The following PATJ variants were observed in gnomAD, a reference collection of about 807,000 sequenced individuals.
The protein encoded by PATJ is PATJ crumbs cell polarity complex component, also known as inaD-like protein.
Under a neutral mutation model 224.9 loss-of-function variants are expected in PATJ, and 190 were observed. The ratio of observed to expected loss-of-function variants is 0.84; its 90% confidence interval spans 0.75 to 0.95. The LOEUF (loss-of-function observed/expected upper bound fraction) is 0.95. PATJ is among the 40% of genes least tolerant of loss of function. The pLI is 0.00. For missense variants in PATJ, 2,121 were observed against 2,270.3 expected (o/e 0.93, Z 1.34); for synonymous variants, 769 against 820.3 (o/e 0.94, Z 1.07).
rs1461050959 is a variant in PATJ, at chr1:62,119,438, C to G, written c.4891-1743C>G. ...GGAGATCAATGCCTTCTTTTGAGCGCTAAGGAGAATAAGCTCTTGACTTAA... is the reference window on the plus strand; with the variant it reads ...GGAGATCAATGCCTTCTTTTGAGCGGTAAGGAGAATAAGCTCTTGACTTAA... On this transcript the variant is annotated intron_variant, in intron 37 of 43. Transcript: ENST00000642238. Among the ~76,000 whole-genome samples the G allele has an allele frequency of 3.9e-5, 6 of 152,246 alleles. No homozygotes were observed. In the East Asian group the frequency reaches 1.2e-3, roughly 29 times the overall value.
At chr1:62,092,407 C>T (rs1660861697) in intron 33 of PATJ, among the ~76,000 whole-genome samples, 1 of 151,654 alleles carries the variant, frequency 6.6e-6, no homozygotes, top group South Asian at 2.1e-4. Flanking sequence ...GATTCAAGCA[C>T]TATTCTCTTT....
chr1:61,896,745 T>C (rs1290425644), intron 22 of PATJ, among the ~76,000 whole-genome samples: 1 of 152,122 alleles, frequency 6.6e-6, no homozygotes, highest in Non-Finnish European at 1.5e-5. Context: ...AGTTTTCACA[T>C]GTTGTTCTCA....
chr1:61,973,631 G>A (rs185799971), intron 27 of PATJ, among the ~76,000 whole-genome samples: 21 of 152,012 alleles, frequency 1.4e-4, no homozygotes, highest in East Asian at 1.9e-4. Flanking sequence ...ATGACTGTGA[G>A]GTGACCAGGA....
rs1557793453 is a variant in PATJ at position 61,871,493 on chromosome 1, G to GTATATACACATATATAT, written c.2836-3744_2836-3743insCACATATATATTATATA. On this transcript the variant is annotated intron_variant, in intron 20 of 43. Coordinates refer to ENST00000642238, the MANE Select transcript of PATJ (RefSeq NM_001350145.3). ...TATATACATATATATGTGTATATAT[G>GTATATACACATATATAT]TATATATACATATATACGCATATAT... Among the ~76,000 whole-genome samples, 2 of 28,074 alleles carry GTATATACACATATATAT rather than the reference G, an allele frequency of 7.1e-5. 1 individual carries two copies. The allele number at this position is 28,074 out of a possible 152,430, so 18.4% of individuals were successfully genotyped here.
At chr1:62,079,919 T>C (rs575543598) in intron 32 of PATJ, among the ~76,000 whole-genome samples, 4,206 of 151,326 alleles carry the variant, frequency 0.028, 102 homozygotes, top group African/African-American at 0.056. Flanking sequence ...TCCCAGCTAC[T>C]CGGGAGGCTG....
At chr1:61,771,007 G>A (rs1235413827) in intron 5 of PATJ, among the ~76,000 whole-genome samples, 1 of 151,996 alleles carries the variant, frequency 6.6e-6, no homozygotes, top group Non-Finnish European at 1.5e-5. Context: ...TGGACAAGTA[G>A]ACAGTGAAGA....
chr1:62,116,420 A>T, intron 35 of PATJ, 112 bp from the exon 36 acceptor site: 4 of 1,299,594 alleles, frequency 3.1e-6, no homozygotes, highest in Non-Finnish European at 4.1e-6. Flanking sequence ...AAAGAAAACA[A>T]AACTGGAAGA....
At chr1:62,137,912 G>A (rs1235617495) in intron 41 of PATJ, among the ~76,000 whole-genome samples, 1 of 151,914 alleles carries the variant, frequency 6.6e-6, no homozygotes, top group Non-Finnish European at 1.5e-5. Context: ...CTCCTCAGGT[G>A]GGGGGATTTT....
intron 21 of PATJ, among the ~76,000 whole-genome samples, chr1:61,877,756 T>A (rs1667531561): frequency 6.6e-6 from 1 of 152,176 alleles, no homozygotes. Context: ...AATTACCCAG[T>A]CTCCGGTAGT....
chr1:62,087,048 G>T (rs1570528180), intron 33 of PATJ, among the ~76,000 whole-genome samples: 2 of 152,198 alleles, frequency 1.3e-5, no homozygotes. Flanking sequence ...AGGGCAAAGG[G>T]CCAGTGTGAC....
chr1:61,935,441 A>G (rs1676697928), intron 27 of PATJ, among the ~76,000 whole-genome samples: 1 of 152,178 alleles, frequency 6.6e-6, no homozygotes, highest in Non-Finnish European at 1.5e-5. Flanking sequence ...GTCATCTTAT[A>G]TCATAATGGA....
intron 17 of PATJ, among the ~76,000 whole-genome samples, chr1:61,840,501 T>A (rs1306718601): frequency 2.6e-5 from 4 of 152,128 alleles, no homozygotes; most frequent in South Asian, 2.1e-4. Context: ...TATTTAATTT[T>A]AAAAAAACTT....
chr1:61,849,034 G>T (rs1662406710), intron 17 of PATJ, among the ~76,000 whole-genome samples: 1 of 152,164 alleles, frequency 6.6e-6, no homozygotes, highest in South Asian at 2.1e-4. Context: ...TTCTCTTACT[G>T]AAATAAAAAT....
chr1:61,944,446 C>T (rs1187877479), intron 27 of PATJ, among the ~76,000 whole-genome samples: 2 of 151,796 alleles, frequency 1.3e-5, no homozygotes, highest in Non-Finnish European at 2.9e-5. Context: ...CTTCAGTAGC[C>T]GATTTGATCA....
intron 31 of PATJ, among the ~76,000 whole-genome samples, chr1:62,072,063 A>G (rs1657516251): frequency 6.6e-6 from 1 of 152,106 alleles, no homozygotes; most frequent in South Asian, 2.1e-4. Context: ...TCCCCTGAAA[A>G]TGTGCCTATT....
chr1:61,747,892 A>C (rs1046583572), intron 1 of PATJ, among the ~76,000 whole-genome samples: 20 of 152,242 alleles, frequency 1.3e-4, no homozygotes, highest in African/African-American at 4.8e-4. Flanking sequence ...GATTTCATGT[A>C]AAAAGGAATC....
At chr1:61,763,225 ATTC>A in intron 3 of PATJ, 46 bp downstream of exon 3, 3 of 1,119,984 alleles carry the variant, frequency 2.7e-6, no homozygotes, top group Non-Finnish European at 3.7e-6. Context: ...ATATTAATAT[ATTC>A]AAACCATCAA....
intron 14 of PATJ, among the ~76,000 whole-genome samples, chr1:61,821,043 CTT>C (rs113639554): frequency 7.7e-5 from 11 of 143,204 alleles, no homozygotes; most frequent in Admixed American, 1.4e-4. Context: ...GAAAAACTAT[CTT>C]TTTTTTTTTT....
At chr1:61,808,995 G>A (rs1045913226) in intron 14 of PATJ, among the ~76,000 whole-genome samples, 7 of 152,268 alleles carry the variant, frequency 4.6e-5, no homozygotes, top group Non-Finnish European at 8.8e-5. Flanking sequence ...ATCAAGACCC[G>A]GGAATACAGG....
Sources: allele counts gnomAD v4.1 joint callset (sites outside exome capture counted in the v4.1 genomes callset), GRCh38; gene constraint gnomAD v4.1.1; transcripts MANE v1.5; gene names NCBI Gene and HGNC (gene_info 2026-07-23, HGNC 2026-07-21).